SDK1: variants seen among roughly 807,000 people sequenced by gnomAD.
SDK1 encodes the protein protein sidekick-1.
SDK1 carries 157 observed loss-of-function variants against 245.5 expected under a neutral mutation model. That is an observed-to-expected ratio of 0.64 (90% CI 0.56 to 0.73). The LOEUF is 0.73. SDK1 is among the 30% of genes least tolerant of loss of function. The pLI, the probability that SDK1 is intolerant of heterozygous loss-of-function variation, is 0.00. For missense variants in SDK1, 3,583 were observed against 3,002.3 expected (o/e 1.19, Z -4.52); for synonymous variants, 1,647 against 1,278.5 (o/e 1.29, Z -6.15).
intron 1 of SDK1, among the ~76,000 whole-genome samples, chr7:3,548,540 C>T (rs921110692): frequency 6.6e-6 from 1 of 152,158 alleles, no homozygotes; most frequent in Admixed American, 6.5e-5. Flanking sequence ...AGATGAACAT[C>T]CTAATGTCTA....
chr7:3,709,624 T>G (rs1205910926), intron 4 of SDK1, among the ~76,000 whole-genome samples: 3 of 152,254 alleles, frequency 2.0e-5, no homozygotes, highest in Non-Finnish European at 4.4e-5. Flanking sequence ...AAGTTAATGG[T>G]GTGTCTCTGC....
rs1784352997 is a variant in SDK1, at chr7:4,125,684, C to T, written c.3824-1697C>T. Among the ~76,000 whole-genome samples, 4 of 152,326 alleles carry T rather than the reference C, an allele frequency of 2.6e-5. No homozygotes were observed. In the South Asian group the frequency reaches 6.2e-4, roughly 24 times the overall value. ...GATGCTTCTACTCACCTCTGTGTGC[C>T]AGTGCCCTACCAGGCACCTCAGTGT... On this transcript the variant is annotated intron_variant, in intron 25 of 44. Transcript: ENST00000404826.
At chr7:3,671,675 CTT>C (rs1342751787) in intron 4 of SDK1, among the ~76,000 whole-genome samples, 2 of 152,254 alleles carry the variant, frequency 1.3e-5, no homozygotes, top group East Asian at 3.9e-4. Flanking sequence ...TAATCAAACA[CTT>C]TTCATTGTAG....
intron 25 of SDK1, among the ~76,000 whole-genome samples, chr7:4,126,893 T>A (rs1461649367): frequency 6.6e-6 from 1 of 152,228 alleles, no homozygotes; most frequent in Non-Finnish European, 1.5e-5. Flanking sequence ...TGCAATTATG[T>A]AACTGAAGGC....
intron 1 of SDK1, among the ~76,000 whole-genome samples, chr7:3,364,387 G>A (rs1401730232): frequency 1.3e-5 from 2 of 152,168 alleles, no homozygotes; most frequent in African/African-American, 4.8e-5. Flanking sequence ...TTTCTCGTGT[G>A]TTGGTTTCTT....
intron 4 of SDK1, among the ~76,000 whole-genome samples, chr7:3,667,161 C>T (rs969397011): frequency 6.6e-6 from 1 of 152,026 alleles, no homozygotes; most frequent in Admixed American, 6.6e-5. Context: ...ATTATTCTGA[C>T]CTAACTGTAG....
At chr7:4,236,656 G>A (rs1786186067) in intron 41 of SDK1, among the ~76,000 whole-genome samples, 1 of 152,074 alleles carries the variant, frequency 6.6e-6, no homozygotes, top group Non-Finnish European at 1.5e-5. Flanking sequence ...GGGAACCACT[G>A]AGGATTTTAG....
intron 9 of SDK1, among the ~76,000 whole-genome samples, chr7:3,965,486 T>C (rs1045229969): frequency 3.9e-5 from 6 of 152,010 alleles, no homozygotes; most frequent in African/African-American, 9.7e-5. Context: ...TAGTAGGAGG[T>C]TTTTTGCAAA....
At chr7:3,916,248 A>G (rs1779376078) in intron 5 of SDK1, among the ~76,000 whole-genome samples, 1 of 152,238 alleles carries the variant, frequency 6.6e-6, no homozygotes, top group African/African-American at 2.4e-5. Context: ...ATGTGAAGAA[A>G]GGGAATCAGG....
At chr7:3,330,717 A>C (rs1285788788) in intron 1 of SDK1, among the ~76,000 whole-genome samples, 1 of 151,858 alleles carries the variant, frequency 6.6e-6, no homozygotes, top group Non-Finnish European at 1.5e-5. Flanking sequence ...TCATGCCTGC[A>C]ATCTCAACAC....
chr7:3,898,031 C>T (rs553570645), intron 5 of SDK1, among the ~76,000 whole-genome samples: 3 of 152,252 alleles, frequency 2.0e-5, no homozygotes, highest in African/African-American at 7.2e-5. Flanking sequence ...CGTGTGCACA[C>T]ACACCCCAAT....
chr7:3,919,960 G>A (rs540152933), intron 5 of SDK1, among the ~76,000 whole-genome samples: 5 of 152,302 alleles, frequency 3.3e-5, no homozygotes, highest in African/African-American at 1.2e-4. Context: ...GGTCACAGCA[G>A]AGGGGGCACC....
chr7:4,195,311 C>T (rs1405041090), intron 35 of SDK1, among the ~76,000 whole-genome samples: 3 of 152,190 alleles, frequency 2.0e-5, no homozygotes, highest in Non-Finnish European at 2.9e-5. Flanking sequence ...TGGGTGCTCG[C>T]GTCCCCGGTC....
At chr7:3,856,622 G>A (rs1451296330) in intron 5 of SDK1, among the ~76,000 whole-genome samples, 1 of 151,508 alleles carries the variant, frequency 6.6e-6, no homozygotes. Flanking sequence ...GAAACCCCAT[G>A]TCTCCTAAAA....
At chr7:3,728,740 G>A (rs779750484) in intron 4 of SDK1, among the ~76,000 whole-genome samples, 10 of 152,202 alleles carry the variant, frequency 6.6e-5, no homozygotes, top group Admixed American at 5.2e-4. Context: ...CAAGTAGCTG[G>A]GATTACAGGC....
At chr7:3,834,149 T>C (rs1779977910) in intron 5 of SDK1, among the ~76,000 whole-genome samples, 1 of 152,204 alleles carries the variant, frequency 6.6e-6, no homozygotes. Context: ...TCTTTGGCTT[T>C]TAGAGTCTCT....
intron 17 of SDK1, among the ~76,000 whole-genome samples, chr7:4,023,261 C>T (rs1422054029): frequency 1.3e-5 from 2 of 152,128 alleles, no homozygotes; most frequent in Non-Finnish European, 2.9e-5. Flanking sequence ...ATTATCTTGT[C>T]GGCCAATCCC....
rs183197445 is a variant in SDK1 at position 3,967,800 on chromosome 7, G to A, written c.1546+366G>A. ...GCTGACAGGAGGGGGAGCTCAGGCAGTCATGCACGGTGGCCACCGCTCACC... is the reference window on the plus strand; with the variant it reads ...GCTGACAGGAGGGGGAGCTCAGGCAATCATGCACGGTGGCCACCGCTCACC... On this transcript the variant is annotated intron_variant, in intron 10 of 44. Transcript: ENST00000404826. Among the ~76,000 whole-genome samples the A allele has an allele frequency of 2.2e-4, 34 of 152,340 alleles. No individual in the cohort carries two copies. The East Asian group carries it at 6.6e-3, about 29-fold the overall frequency.
intron 4 of SDK1, among the ~76,000 whole-genome samples, chr7:3,671,768 G>C (rs1470940277): frequency 1.3e-5 from 2 of 152,134 alleles, no homozygotes; most frequent in East Asian, 3.9e-4. Context: ...TTTATAATGA[G>C]ATTAAAAAGA....
Sources: allele counts gnomAD v4.1 joint callset (sites outside exome capture counted in the v4.1 genomes callset), GRCh38; gene constraint gnomAD v4.1.1; transcripts MANE v1.5; gene names NCBI Gene and HGNC (gene_info 2026-07-23, HGNC 2026-07-21).